Variants in HSPB7 observed in about 807,000 individuals in gnomAD.
The protein encoded by HSPB7 is heat shock protein beta-7.
HSPB7 carries 9 observed loss-of-function variants against 11.0 expected under a neutral mutation model. That is an observed-to-expected ratio of 0.82 (90% CI 0.49 to 1.43). The LOEUF is 1.43. Ranked by LOEUF, HSPB7 falls within the 40% of genes most tolerant of loss-of-function variation. The probability of loss-of-function intolerance (pLI) is 0.00; values close to 1 mark genes in which losing one functional copy is unlikely to be tolerated. For missense variants in HSPB7, 246 were observed against 243.9 expected (o/e 1.01, Z -0.06); for synonymous variants, 102 against 101.6 (o/e 1.00, Z -0.02).
chr1:16,015,811 G>A lies in HSPB7; in HGVS notation c.334-52C>T, dbSNP rs925116101. 1 of 1,494,192 alleles carries A rather than the reference G, an allele frequency of 6.7e-7. No homozygotes were observed. Among genetic ancestry groups the A allele is most frequent in the Non-Finnish European group, 9.0e-7 (1 of 1,108,456 alleles). The allele number at this position is 1,494,192 out of a possible 1,614,324, so 92.6% of individuals were successfully genotyped here. A position where few individuals can be genotyped will look rare whatever the true frequency, so the allele number is the denominator to read the frequency against. On this transcript the variant is annotated intron_variant, in intron 2 of 2. Coordinates refer to ENST00000311890, the MANE Select transcript of HSPB7 (RefSeq NM_014424.5). This position sits in a 1 kb window ranked among gnomAD's most constrained non-coding sequence, Gnocchi z 4.9. ...GGCTGCCCCGACCCCTGTCCTGCTT[G>A]TGACAAGCCAGAGCCCTCTTCTCCC...
chr1:16,018,070 T>G, upstream of HSPB7: 1 of 1,587,330 alleles, frequency 6.3e-7, no homozygotes, highest in Non-Finnish European at 8.6e-7. Flanking sequence ...GGCCGCTTTA[T>G]AAGGCCGACT....
In HSPB7 at chr1:16,014,645, G is replaced by A. The variant is rs1013560748; in HGVS notation, c.*935C>T. 4.6e-5 allele frequency: 7 copies of A among 152,204 alleles called. No homozygotes were observed. Among genetic ancestry groups the A allele is most frequent in the Non-Finnish European group, 1.0e-4 (7 of 68,044 alleles). The allele number at this position is 152,204 out of a possible 1,614,324, so 9.4% of individuals were successfully genotyped here. ...TAGGGGTGTGTGTGTTACACACACCGAGCCTATAGATTCATAGATTAAAGA... is the reference window on the plus strand; with the variant it reads ...TAGGGGTGTGTGTGTTACACACACCAAGCCTATAGATTCATAGATTAAAGA... On this transcript the variant is annotated 3_prime_UTR_variant, in exon 3 of 3. Transcript: ENST00000311890.
Position 16,015,672 on chromosome 1 carries a change from G to T in HSPB7, c.421C>A (p.Leu141Met). ...DVDPTSVTSALREDGSLTIRA... is the reference protein window; with the variant it reads ...DVDPTSVTSAMREDGSLTIRA... ...ATAGTGAGGCTGCCGTCCTCCCGCA[G>T]AGCCGAGGTCACCGACGTCGGGTCC... The change falls in exon 3 of 3, where the codon CTG (leucine) becomes ATG (methionine). Residue 141 changes from leucine to methionine, a missense_variant. Coordinates refer to ENST00000311890, the MANE Select transcript of HSPB7 (RefSeq NM_014424.5). This position sits in a 1 kb window ranked among gnomAD's most constrained non-coding sequence, Gnocchi z 4.9. 13 of 1,613,654 alleles carry T rather than the reference G, an allele frequency of 8.1e-6. No individual in the cohort carries two copies. The highest frequency in any genetic ancestry group is 1.1e-5 in the Non-Finnish European group (13 of 1,179,846).
chr1:16,016,912 C>T (rs982020754), intron 2 of HSPB7, among the ~76,000 whole-genome samples, 162 bp downstream of exon 2: 1 of 152,168 alleles, frequency 6.6e-6, no homozygotes, highest in Non-Finnish European at 1.5e-5. Context: ...GGCCCCATGG[C>T]CATGGGTTGC....
rs774956561 is a variant in HSPB7 at position 16,017,936 on chromosome 1, G to A, written c.28C>T (p.Arg10Ter). The A allele has an allele frequency of 1.5e-5, 25 of 1,613,230 alleles. No individual in the cohort carries two copies. Among genetic ancestry groups the A allele is most frequent in the Admixed American group, 1.3e-4 (8 of 60,006 alleles). Reference sequence around the variant, plus strand: ...GAGGAATGGAAACTTCTCTCCGCTCGGAAGGTGGAAGAGGTTCTGTGGCTC... The same window carrying A: ...GAGGAATGGAAACTTCTCTCCGCTCAGAAGGTGGAAGAGGTTCTGTGGCTC... MSHRTSSTF[R>*]AERSFHSSSS... The change falls in exon 1 of 3, where the codon CGA becomes TGA. Residue 10 changes from arginine to a stop codon, truncating the protein, a stop_gained. Coordinates refer to ENST00000311890, the MANE Select transcript of HSPB7 (RefSeq NM_014424.5). LOFTEE classifies it high-confidence loss of function.
Position 16,015,635 on chromosome 1 carries a change from C to G in HSPB7, c.458G>C (p.Arg153Pro). 4.3e-6 allele frequency: 7 copies of G among 1,613,980 alleles called. No individual in the cohort carries two copies. The highest frequency in any genetic ancestry group is 5.9e-6 in the Non-Finnish European group (7 of 1,179,956). ...EDGSLTIRAR[R>P]HPHTEHVQQT... ...CTGGACGTGTTCTGTATGCGGGTGA[C>G]GCCGTGCCCGGATAGTGAGGCTGCC... The change falls in exon 3 of 3, where the codon CGT (arginine) becomes CCT (proline). Residue 153 changes from arginine (R) to proline (P), a missense_variant. Coordinates refer to ENST00000311890, the MANE Select transcript of HSPB7 (RefSeq NM_014424.5). This position sits in a 1 kb window ranked among gnomAD's most constrained non-coding sequence, Gnocchi z 4.9.
upstream of HSPB7, chr1:16,018,928 C>T (rs1570283346): frequency 4.5e-5 from 52 of 1,155,778 alleles, 1 homozygote; most frequent in South Asian, 8.4e-4. Context: ...TCCCATGTTA[C>T]GGACGGGGAA....
chr1:16,016,938 A>G, intron 2 of HSPB7, 136 bp downstream of exon 2: 1 of 858,524 alleles, frequency 1.2e-6, no homozygotes, highest in South Asian at 1.8e-5. Flanking sequence ...CAAGGCCTTC[A>G]GTTAGCCCTG....
At chr1:16,018,171 C>G (rs373446527), upstream of HSPB7, 1 of 1,526,852 alleles carries the variant, frequency 6.5e-7, no homozygotes, top group Non-Finnish European at 8.8e-7. Context: ...TCCCGTGCGC[C>G]GGCCCTGCTG....
Position 16,015,527 on chromosome 1 carries a change from G to C in HSPB7, c.*53C>G. 1 of 1,566,590 alleles carries C rather than the reference G, an allele frequency of 6.4e-7. No individual in the cohort carries two copies. Among genetic ancestry groups the C allele is most frequent in the Admixed American group, 1.7e-5 (1 of 59,342 alleles). The stretch of plus-strand genomic sequence containing the variant: ...GAGCTGTTGTAATGGGGTTAGCGAG[G>C]CTTTGCTGGCAGGCGTGGGGCGGGG... On this transcript the variant is annotated 3_prime_UTR_variant, in exon 3 of 3. Coordinates refer to ENST00000311890, the MANE Select transcript of HSPB7 (RefSeq NM_014424.5). This position sits in a 1 kb window ranked among gnomAD's most constrained non-coding sequence, Gnocchi z 4.9.
In HSPB7 at chr1:16,014,379, G is replaced by A. The variant is rs1422577014; in HGVS notation, c.*1201C>T. On this transcript the variant is annotated 3_prime_UTR_variant, in exon 3 of 3. Coordinates refer to ENST00000311890, the MANE Select transcript of HSPB7 (RefSeq NM_014424.5). ...CCATCCCCCAGCTGGAAGACGTGGG[G>A]AGGGTTGCATAGCCTTAGAGAGGTA... The A allele has an allele frequency of 6.6e-6, 1 of 152,188 alleles. No individual in the cohort carries two copies. Among genetic ancestry groups the A allele is most frequent in the African/African-American group, 2.4e-5 (1 of 41,414 alleles). The allele number at this position is 152,188 out of a possible 1,614,324, so 9.4% of individuals were successfully genotyped here.
chr1:16,016,232 A>G (rs1739841), intron 2 of HSPB7, among the ~76,000 whole-genome samples: 93,509 of 152,150 alleles, frequency 0.61, 29,257 homozygotes, highest in East Asian at 0.77. Context: ...GGGCTGGCAC[A>G]TGCTGCCTGT....
At chr1:16,019,032 G>A (rs2021961163), upstream of HSPB7, 1 of 1,141,290 alleles carries the variant, frequency 8.8e-7, no homozygotes, top group Non-Finnish European at 1.2e-6. Context: ...CCCTTCAGAG[G>A]CCGAGGTGGT....
chr1:16,019,425 C>G (rs1251242731), upstream of HSPB7: 5 of 1,549,000 alleles, frequency 3.2e-6, no homozygotes, highest in East Asian at 2.4e-5. Flanking sequence ...CTTCCCTATC[C>G]AACTGGCAGT....
chr1:16,017,724 C>A, intron 1 of HSPB7, 41 bp downstream of exon 1: 1 of 1,503,238 alleles, frequency 6.7e-7, no homozygotes, highest in Non-Finnish European at 9.0e-7. Context: ...GACGTCCCCT[C>A]CCTGTGCACC....
At chr1:16,016,304 A>T (rs2021723076) in intron 2 of HSPB7, among the ~76,000 whole-genome samples, 1 of 152,170 alleles carries the variant, frequency 6.6e-6, no homozygotes, top group South Asian at 2.1e-4. Flanking sequence ...CCACCCTTGA[A>T]TGTGGAGGGG....
chr1:16,018,077 G>T (rs186293259), upstream of HSPB7: 6 of 1,580,308 alleles, frequency 3.8e-6, no homozygotes, highest in African/African-American at 1.3e-5. Context: ...TTATAAGGCC[G>T]ACTGTCCCTG....
chr1:16,018,567 G>T (rs2021937743), upstream of HSPB7: 7 of 1,059,838 alleles, frequency 6.6e-6, no homozygotes, highest in Non-Finnish European at 6.8e-6. Context: ...CTGCCAGGGG[G>T]TGTAAAATGT....
chr1:16,017,203 G>A lies in HSPB7; in HGVS notation c.204C>T (p.Arg68=). The A allele has an allele frequency of 6.2e-7, 1 of 1,612,974 alleles. No homozygotes were observed. The highest frequency in any genetic ancestry group is 8.5e-7 in the Non-Finnish European group (1 of 1,179,130). Residue 68 remains arginine, a synonymous_variant, in exon 2 of 3, where the codon CGC becomes CGT. Transcript: ENST00000311890. ...PHSEPLAFPA[R]PGGAGNIKTL... is the part of the protein sequence containing the mutation. The stretch of plus-strand genomic sequence containing the variant: ...TCTTGATGTTGCCTGCCCCACCGGG[G>A]CGGGCTGTGGGATGGGCTGCTGTGA...
Sources: allele counts gnomAD v4.1 joint callset (sites outside exome capture counted in the v4.1 genomes callset), GRCh38; gene constraint gnomAD v4.1.1; non-coding constraint Gnocchi (gnomAD v3.1); transcripts MANE v1.5; gene names NCBI Gene and HGNC (gene_info 2026-07-23, HGNC 2026-07-21).